Variants in DEUP1 observed in about 807,000 individuals in gnomAD.
DEUP1 encodes deuterosome assembly protein 1.
In DEUP1, 82 loss-of-function variants were observed where a neutral mutation model predicts 87.4. The observed-to-expected ratio is 0.94, with a 90% confidence interval of 0.78 to 1.13. The LOEUF (loss-of-function observed/expected upper bound fraction) is 1.13, where lower values mean the gene tolerates loss of function less well. Ranked by LOEUF, DEUP1 falls within the 50% of genes most tolerant of loss-of-function variation. The pLI is 0.00. For missense variants in DEUP1, 663 were observed against 681.5 expected (o/e 0.97, Z 0.30); for synonymous variants, 214 against 222.7 (o/e 0.96, Z 0.35).
intron 7 of DEUP1, among the ~76,000 whole-genome samples, chr11:93,380,005 C>T (rs1315187275): frequency 6.6e-6 from 1 of 152,116 alleles, no homozygotes; most frequent in African/African-American, 2.4e-5. Context: ...AAATTAGTGG[C>T]TCTATACTGC....
At chr11:93,428,671 G>A (rs2605581) in intron 13 of DEUP1, among the ~76,000 whole-genome samples, 126,906 of 152,162 alleles carry the variant, frequency 0.83, 53,048 homozygotes, top group East Asian at 0.91. Flanking sequence ...TTTTTAAAGT[G>A]TACTTACAGA....
chr11:93,331,245 C>T (rs1446514752), intron 1 of DEUP1, among the ~76,000 whole-genome samples: 1 of 152,172 alleles, frequency 6.6e-6, no homozygotes, highest in Admixed American at 6.5e-5. Flanking sequence ...CTTTCTACCT[C>T]CTTGAATGTT....
chr11:93,368,541 G>A (rs1218144542), intron 5 of DEUP1, among the ~76,000 whole-genome samples: 1 of 152,190 alleles, frequency 6.6e-6, no homozygotes, highest in African/African-American at 2.4e-5. Flanking sequence ...GCCAACAGGA[G>A]AGAAAGAGAG....
chr11:93,402,069 G>A (rs1288308479), intron 11 of DEUP1, among the ~76,000 whole-genome samples: 2 of 151,696 alleles, frequency 1.3e-5, no homozygotes, highest in African/African-American at 4.8e-5. Context: ...GTGAAAAGAT[G>A]ACCCACAGAA....
At chr11:93,374,142 C>A (rs1428490517) in intron 7 of DEUP1, among the ~76,000 whole-genome samples, 3 of 151,944 alleles carry the variant, frequency 2.0e-5, no homozygotes. Context: ...TTGTTTTTTT[C>A]TTCCTGATTT....
intron 13 of DEUP1, among the ~76,000 whole-genome samples, chr11:93,416,836 C>T (rs1189490674): frequency 2.6e-5 from 4 of 151,888 alleles, no homozygotes; most frequent in African/African-American, 9.7e-5. Flanking sequence ...CCACCATGAT[C>T]GAGTGGGCTT....
chr11:93,378,304 T>C lies in DEUP1; in HGVS notation c.789+7024T>C, dbSNP rs550405462. 2.6e-5 allele frequency among the ~76,000 whole-genome samples: 4 copies of C among 152,278 alleles called. No homozygotes were observed. The South Asian group carries it at 8.3e-4, about 32-fold the overall frequency. ...TTCTTGGAGGCTTTGTTCATTTTTT[T>C]AAATTCTTTTTTGTCTTTGTCAGAT... is the stretch of plus-strand genomic sequence containing the variant. On this transcript the variant is annotated intron_variant, in intron 7 of 13. Transcript: ENST00000298050.
intron 2 of DEUP1, among the ~76,000 whole-genome samples, chr11:93,334,103 C>G (rs995270602): frequency 1.3e-5 from 2 of 152,120 alleles, no homozygotes; most frequent in African/African-American, 4.8e-5. Flanking sequence ...TAGAGGTTTT[C>G]CTGAGGTACT....
intron 3 of DEUP1, among the ~76,000 whole-genome samples, chr11:93,356,421 A>G (rs1944898848): frequency 6.6e-6 from 1 of 152,196 alleles, no homozygotes. Context: ...ATGTATACTG[A>G]CACAGATATG....
At position 93,408,346 on chromosome 11, in the gene DEUP1, C is replaced by G; in HGVS notation, c.1442C>G (p.Thr481Ser). 1.3e-6 allele frequency: 2 copies of G among 1,576,628 alleles called. No homozygotes were observed. The highest frequency in any genetic ancestry group is 1.7e-6 in the Non-Finnish European group (2 of 1,160,074). ...LAKLHVNGKS[T>S]WTNQNTYEET... ...AAACTTCATGTCAATGGAAAATCAACCTGGACTAATCAAAACACCTATGAA... is the reference window on the plus strand; with the variant it reads ...AAACTTCATGTCAATGGAAAATCAAGCTGGACTAATCAAAACACCTATGAA... Residue 481 changes from threonine (T) to serine (S), a missense_variant, in exon 12 of 14, where the codon ACC becomes AGC. Coordinates refer to ENST00000298050, the MANE Select transcript of DEUP1 (RefSeq NM_181645.4).
chr11:93,348,525 A>G (rs1385128009), intron 2 of DEUP1, among the ~76,000 whole-genome samples: 1 of 152,226 alleles, frequency 6.6e-6, no homozygotes, highest in Non-Finnish European at 1.5e-5. Flanking sequence ...AGAATATGGC[A>G]TGTTGTGTCT....
chr11:93,419,960 T>C (rs1183011667), intron 13 of DEUP1, among the ~76,000 whole-genome samples: 1 of 151,916 alleles, frequency 6.6e-6, no homozygotes, highest in Non-Finnish European at 1.5e-5. Flanking sequence ...ACCAGATGGA[T>C]TCACAGCCGA....
Position 93,396,319 on chromosome 11 carries a change from A to T in DEUP1, c.1320A>T (p.Glu440Asp). ...TGATGGGAGATTTAGACCCCGGAGA[A>T]TACATGGTAATATGCTGACATCATT... ...KGMMGDLDPG[E>D]YMSMDFTNRE... Residue 440 changes from glutamate (E) to aspartate (D), a missense_variant, in exon 11 of 14, where the codon GAA (glutamate) becomes GAT (aspartate). Transcript: ENST00000298050. 2 of 1,529,442 alleles carry T rather than the reference A, an allele frequency of 1.3e-6. No individual in the cohort carries two copies. The highest frequency in any genetic ancestry group is 1.8e-6 in the Non-Finnish European group (2 of 1,121,100). The allele number at this position is 1,529,442 out of a possible 1,614,324, so 94.7% of individuals were successfully genotyped here. A position where few individuals can be genotyped will look rare whatever the true frequency, so the allele number is the denominator to read the frequency against.
intron 4 of DEUP1, among the ~76,000 whole-genome samples, chr11:93,362,167 T>C (rs868109314): frequency 6.6e-5 from 10 of 152,122 alleles, no homozygotes; most frequent in African/African-American, 2.4e-4. Flanking sequence ...CAATGGTTTC[T>C]TAGATATGGC....
At chr11:93,417,410 T>C (rs1947682727) in intron 13 of DEUP1, among the ~76,000 whole-genome samples, 1 of 151,550 alleles carries the variant, frequency 6.6e-6, no homozygotes, top group African/African-American at 2.4e-5. Context: ...AGCCAAATCA[T>C]GAGTGAACTC....
intron 13 of DEUP1, among the ~76,000 whole-genome samples, chr11:93,415,661 C>A (rs1947595008): frequency 6.6e-6 from 1 of 151,880 alleles, no homozygotes; most frequent in Non-Finnish European, 1.5e-5. Flanking sequence ...GACATAACCA[C>A]TATCCTGACT....
chr11:93,379,585 T>C (rs1946202515), intron 7 of DEUP1, among the ~76,000 whole-genome samples: 1 of 152,186 alleles, frequency 6.6e-6, no homozygotes, highest in Non-Finnish European at 1.5e-5. Context: ...TGGGAGTCAA[T>C]GTGTAGCAGG....
chr11:93,419,307 C>T (rs925812472), intron 13 of DEUP1, among the ~76,000 whole-genome samples: 11 of 152,120 alleles, frequency 7.2e-5, no homozygotes, highest in African/African-American at 2.7e-4. Flanking sequence ...TTCAGCAAGA[C>T]AATTAAAGGC....
In DEUP1 at chr11:93,355,384, G is replaced by A. The variant is rs745908412; in HGVS notation, c.43G>A (p.Glu15Lys). 1.9e-6 allele frequency: 3 copies of A among 1,613,132 alleles called. No individual in the cohort carries two copies. The highest frequency in any genetic ancestry group is 2.5e-6 in the Non-Finnish European group (3 of 1,179,594). ...TACAATTGCCAGAACTTCTCCTTGT[G>A]AGGCTGAGCTTCAGGAATTAATGGA... is the stretch of plus-strand genomic sequence containing the variant. Reference protein sequence around the residue: ...AHNTMGTSPCEAELQELMEQI... With the variant: ...AHNTMGTSPCKAELQELMEQI... The change falls in exon 3 of 14, where the codon GAG (glutamate) becomes AAG (lysine). Residue 15 changes from glutamate (E) to lysine (K), a missense_variant. Glu to Lys is a moderately conservative substitution (Grantham distance 56). Coordinates refer to ENST00000298050, the MANE Select transcript of DEUP1 (RefSeq NM_181645.4).
Sources: allele counts gnomAD v4.1 joint callset (sites outside exome capture counted in the v4.1 genomes callset), GRCh38; gene constraint gnomAD v4.1.1; transcripts MANE v1.5; gene names NCBI Gene and HGNC (gene_info 2026-07-23, HGNC 2026-07-21).